ALK: variants seen among roughly 807,000 people sequenced by gnomAD.
The protein encoded by ALK is ALK tyrosine kinase receptor.
ALK carries 74 observed loss-of-function variants against 163.1 expected under a neutral mutation model. The ratio of observed to expected loss-of-function variants is 0.45; its 90% CI spans 0.38 to 0.55. The LOEUF is 0.55. Among genes scored for constraint, ALK ranks in the 20% least tolerant of loss-of-function variants. ALK has a pLI of 0.00. For synonymous variants in ALK, 960 were observed against 843.2 expected, an observed-to-expected ratio of 1.14 and a Z score of -2.40; for missense variants, 2,063 against 2,105.3, an observed-to-expected ratio of 0.98 and a Z score of 0.39.
chr2:29,466,151 A>C (rs1325452615), intron 4 of ALK, among the ~76,000 whole-genome samples: 1 of 152,230 alleles, frequency 6.6e-6, no homozygotes, highest in African/African-American at 2.4e-5. Context: ...CAGTAAACTG[A>C]AGCTCTTCAT....
chr2:29,702,430 C>T (rs1372741312), intron 2 of ALK, among the ~76,000 whole-genome samples: 1 of 152,116 alleles, frequency 6.6e-6, no homozygotes, highest in Non-Finnish European at 1.5e-5. Flanking sequence ...TCTGATATGA[C>T]CTATAAAGTT....
At chr2:29,288,955 A>AAAAT (rs1179785867) in intron 9 of ALK, among the ~76,000 whole-genome samples, 326 of 26,812 alleles carry the variant, frequency 0.012, 16 homozygotes, top group Middle Eastern at 0.023. Flanking sequence ...CCTTCTCAAA[A>AAAAT]AAATAAATAA....
intron 5 of ALK, among the ~76,000 whole-genome samples, chr2:29,362,851 A>G (rs1476243898): frequency 6.6e-6 from 1 of 150,628 alleles, no homozygotes; most frequent in African/African-American, 2.5e-5. Context: ...CAAACAAATG[A>G]ACAAACAAAC....
At chr2:29,672,667 T>C (rs1296712276) in intron 3 of ALK, among the ~76,000 whole-genome samples, 13 of 152,162 alleles carry the variant, frequency 8.5e-5, no homozygotes, top group African/African-American at 2.9e-4. Flanking sequence ...AGCAGCATGA[T>C]TTATAGTCCT....
intron 3 of ALK, among the ~76,000 whole-genome samples, chr2:29,641,216 T>C (rs1383380379): frequency 2.0e-5 from 3 of 152,086 alleles, no homozygotes; most frequent in Non-Finnish European, 4.4e-5. Context: ...TTCACAGTTC[T>C]GATGATCACT....
At chr2:29,676,173 T>C (rs1030403656) in intron 3 of ALK, among the ~76,000 whole-genome samples, 2 of 152,112 alleles carry the variant, frequency 1.3e-5, no homozygotes, top group Non-Finnish European at 2.9e-5. Context: ...CCTAATGGTG[T>C]CTTTTAGAAC....
intron 2 of ALK, among the ~76,000 whole-genome samples, chr2:29,699,627 C>A: frequency 6.6e-6 from 1 of 152,212 alleles, no homozygotes; most frequent in East Asian, 1.9e-4. Context: ...GGGGACAGAT[C>A]TATATTTTCT....
At chr2:29,502,137 C>T (rs1163921103) in intron 4 of ALK, among the ~76,000 whole-genome samples, 4 of 152,160 alleles carry the variant, frequency 2.6e-5, no homozygotes, top group Admixed American at 6.5e-5. Context: ...GGCACAGGTA[C>T]ACGCTGGAGA....
intron 11 of ALK, among the ~76,000 whole-genome samples, chr2:29,257,242 G>A (rs199522581): frequency 2.7e-5 from 4 of 150,314 alleles, no homozygotes; most frequent in Non-Finnish European, 4.4e-5. Context: ...ATTTATGAAA[G>A]AAAAAAAAAA....
intron 1 of ALK, among the ~76,000 whole-genome samples, chr2:29,881,454 A>G (rs530916896): frequency 2.0e-4 from 30 of 152,318 alleles, no homozygotes; most frequent in South Asian, 1.0e-3. Flanking sequence ...TGCAAGAAAG[A>G]TAGATGGGGC....
intron 1 of ALK, among the ~76,000 whole-genome samples, chr2:29,888,532 T>C (rs568036852): frequency 1.3e-5 from 2 of 152,304 alleles, no homozygotes; most frequent in South Asian, 2.1e-4. Flanking sequence ...TGGGGTGGGC[T>C]GTTCCAGCTA....
Position 29,391,252 on chromosome 2 carries a change from G to A in ALK, c.1155-7393C>T, listed in dbSNP as rs181738304. 1.8e-3 allele frequency among the ~76,000 whole-genome samples: 271 copies of A among 149,560 alleles called. 2 individuals are homozygous for A. Among genetic ancestry groups the A allele is most frequent in the Middle Eastern group, 0.014 (4 of 290 alleles). ...TTCCTTAATTATTTTCTCATGTTTC[G>A]GAACAAAGACAACATAAATGGTCCT... On this transcript the variant is annotated intron_variant, in intron 4 of 28. Transcript: ENST00000389048.
chr2:29,435,476 G>A (rs1670374726), intron 4 of ALK, among the ~76,000 whole-genome samples: 1 of 152,086 alleles, frequency 6.6e-6, no homozygotes, highest in African/African-American at 2.4e-5. Flanking sequence ...GAACATGCAG[G>A]TGCAATGCCA....
chr2:29,812,750 CCATCCAGGGCTG>C (rs1342498602), intron 1 of ALK, among the ~76,000 whole-genome samples: 1 of 152,178 alleles, frequency 6.6e-6, no homozygotes, highest in East Asian at 1.9e-4. Context: ...TGAGGACCCA[CCATCCAGGGCTG>C]CATTTCCTCT....
chr2:29,655,107 T>C (rs901885702), intron 3 of ALK, among the ~76,000 whole-genome samples: 4 of 152,082 alleles, frequency 2.6e-5, no homozygotes, highest in Admixed American at 2.6e-4. Context: ...AAAATACTAA[T>C]AGGAAAGTGC....
At chr2:29,461,172 T>G (rs1232131371) in intron 4 of ALK, among the ~76,000 whole-genome samples, 1 of 152,120 alleles carries the variant, frequency 6.6e-6, no homozygotes, top group Non-Finnish European at 1.5e-5. Flanking sequence ...AGAAGAAAAG[T>G]TTGAAGCTAG....
chr2:29,495,417 C>T (rs565582934), intron 4 of ALK, among the ~76,000 whole-genome samples: 17 of 152,268 alleles, frequency 1.1e-4, no homozygotes, highest in African/African-American at 4.1e-4. Flanking sequence ...TCAAGACAAC[C>T]TTCTCTACAA....
intron 13 of ALK, among the ~76,000 whole-genome samples, chr2:29,235,539 T>C (rs77616771): frequency 0.076 from 11,562 of 152,158 alleles, 557 homozygotes; most frequent in Non-Finnish European, 0.11. Context: ...TGCAGCTATG[T>C]CCTGGCCTGG....
intron 4 of ALK, among the ~76,000 whole-genome samples, chr2:29,412,008 C>T (rs555965289): frequency 1.3e-5 from 2 of 152,316 alleles, no homozygotes; most frequent in Non-Finnish European, 2.9e-5. Flanking sequence ...AGAATTGCAT[C>T]AGTGTCATCT....
Sources: gnomAD v4.1 joint callset for allele counts (sites outside exome capture counted in the v4.1 genomes callset) on GRCh38, gnomAD v4.1.1 for gene constraint, MANE v1.5 for transcripts, NCBI Gene and HGNC (gene_info 2026-07-23, HGNC 2026-07-21) for gene names.